The following ARHGAP24 variants were observed in gnomAD, a reference collection of about 807,000 sequenced individuals.
ARHGAP24 encodes the protein Rho GTPase activating protein 24, also known as rho GTPase-activating protein 24.
In ARHGAP24, 50 loss-of-function variants were observed where a neutral mutation model predicts 76.4. That is an observed-to-expected ratio of 0.65 (90% CI 0.52 to 0.83). The LOEUF is 0.83. ARHGAP24 is among the 40% of genes least tolerant of loss of function. ARHGAP24 has a pLI of 0.00. For synonymous variants in ARHGAP24, 345 were observed against 323.3 expected (o/e 1.07, Z -0.72); for missense variants, 930 against 914.2 (o/e 1.02, Z -0.22).
At position 85,527,822 on chromosome 4, in the gene ARHGAP24, A is replaced by G. The variant is rs566400598; in HGVS notation, c.-20-42700A>G. On this transcript the variant is annotated intron_variant, in intron 1 of 9. Coordinates refer to ENST00000395184, the MANE Select transcript of ARHGAP24 (RefSeq NM_001025616.3). ...ACTCTTGAAATTTCACCTCATGTGC[A>G]GAATCCTCTCATTTGATCCAAGAAG... Among the ~76,000 whole-genome samples, 5 of 152,264 alleles carry G rather than the reference A, an allele frequency of 3.3e-5. No individual in the cohort carries two copies. The East Asian group carries it at 9.6e-4, about 29-fold the overall frequency.
chr4:85,503,510 G>C (rs190270981), intron 1 of ARHGAP24, among the ~76,000 whole-genome samples: 38 of 152,128 alleles, frequency 2.5e-4, no homozygotes, highest in Admixed American at 2.5e-3. Flanking sequence ...GCATAGAGGC[G>C]TTTATAGTAT....
At chr4:85,926,786 A>C (rs114147364) in intron 4 of ARHGAP24, among the ~76,000 whole-genome samples, 2,267 of 152,222 alleles carry the variant, frequency 0.015, 61 homozygotes, top group African/African-American at 0.051. Context: ...TTAAGTCTTT[A>C]AGACCCAAGG....
chr4:85,751,456 T>G lies in ARHGAP24; in HGVS notation c.268+29484T>G, dbSNP rs137970222. 6.5e-3 allele frequency among the ~76,000 whole-genome samples: 996 copies of G among 152,284 alleles called. 13 individuals carry two copies. Among genetic ancestry groups the G allele is most frequent in the Admixed American group, 0.023 (358 of 15,296 alleles). ...ATATATTAGGATGGCCATAAGAAAT[T>G]CTGGGGTTTATAGGCCAAAATCAGT... On this transcript the variant is annotated intron_variant, in intron 3 of 9. Transcript: ENST00000395184.
rs571187233 is a variant in ARHGAP24, at chr4:85,618,329, G to T, written c.180+47608G>T. ...TTACATTAGTTCTCTCTTTTTAAAG[G>T]CTGAGTAATATTGCATTGTATATAT... On this transcript the variant is annotated intron_variant, in intron 2 of 9. Transcript: ENST00000395184. 7.9e-5 allele frequency among the ~76,000 whole-genome samples: 12 copies of T among 152,158 alleles called. No individual in the cohort carries two copies. In the South Asian group the frequency reaches 8.3e-4, roughly 11 times the overall value.
At chr4:85,853,490 C>T (rs35852536) in intron 3 of ARHGAP24, among the ~76,000 whole-genome samples, 12,925 of 152,222 alleles carry the variant, frequency 0.085, 662 homozygotes, top group Middle Eastern at 0.13. Flanking sequence ...TACCCACTGT[C>T]CAACCAGTCC....
intron 3 of ARHGAP24, among the ~76,000 whole-genome samples, chr4:85,883,916 C>T (rs576915277): frequency 1.8e-4 from 27 of 152,184 alleles, no homozygotes; most frequent in African/African-American, 6.5e-4. Flanking sequence ...CACACTGGTC[C>T]TCAATTTCTT....
intron 3 of ARHGAP24, among the ~76,000 whole-genome samples, chr4:85,867,861 A>AT (rs1732280690): frequency 1.4e-5 from 2 of 146,360 alleles, no homozygotes; most frequent in Admixed American, 1.4e-4. Flanking sequence ...ATTTATATAT[A>AT]ACATATATAT....
chr4:85,583,759 A>AC (rs61548964), intron 2 of ARHGAP24, among the ~76,000 whole-genome samples: 3 of 149,938 alleles, frequency 2.0e-5, no homozygotes, highest in African/African-American at 4.9e-5. Flanking sequence ...AAAAAAAAAA[A>AC]CCCCATCAAA....
At chr4:85,986,320 T>A (rs2148864164) in intron 8 of ARHGAP24, among the ~76,000 whole-genome samples, 1 of 152,214 alleles carries the variant, frequency 6.6e-6, no homozygotes, top group African/African-American at 2.4e-5. Context: ...TACTAACAAA[T>A]AATATTGCAT....
chr4:85,907,604 CAT>C (rs1210122551), intron 3 of ARHGAP24, among the ~76,000 whole-genome samples: 1 of 135,684 alleles, frequency 7.4e-6, no homozygotes, highest in Non-Finnish European at 1.6e-5. Context: ...TGCTTGTCTG[CAT>C]ATGTGTGTGT....
At chr4:85,807,784 C>T (rs1045125989) in intron 3 of ARHGAP24, among the ~76,000 whole-genome samples, 11 of 152,172 alleles carry the variant, frequency 7.2e-5, no homozygotes, top group Admixed American at 2.0e-4. Context: ...TTCTCCTCCA[C>T]ATCCTGTAAC....
chr4:85,754,177 G>GT (rs1726384015), intron 3 of ARHGAP24, among the ~76,000 whole-genome samples: 1 of 152,126 alleles, frequency 6.6e-6, no homozygotes, highest in Non-Finnish European at 1.5e-5. Context: ...GAAAACAAGT[G>GT]GTATTTGTCT....
intron 2 of ARHGAP24, among the ~76,000 whole-genome samples, chr4:85,601,325 G>A (rs112224610): frequency 0.011 from 1,715 of 152,278 alleles, 37 homozygotes; most frequent in African/African-American, 0.039. Flanking sequence ...GAAAATAACT[G>A]TGGTATTTTG....
chr4:85,683,169 TTGA>T (rs1723290152), intron 2 of ARHGAP24, among the ~76,000 whole-genome samples: 1 of 119,044 alleles, frequency 8.4e-6, no homozygotes, highest in South Asian at 3.4e-4. Flanking sequence ...TTAGTAAATA[TTGA>T]TAATAACAAA....
intron 3 of ARHGAP24, among the ~76,000 whole-genome samples, chr4:85,881,749 T>C (rs1440049170): frequency 6.6e-6 from 1 of 152,224 alleles, no homozygotes; most frequent in African/African-American, 2.4e-5. Context: ...GTGACACAGA[T>C]AATACACATA....
intron 3 of ARHGAP24, among the ~76,000 whole-genome samples, chr4:85,854,656 A>C (rs1731453555): frequency 6.6e-6 from 1 of 152,136 alleles, no homozygotes; most frequent in Non-Finnish European, 1.5e-5. Flanking sequence ...CTCCTAACTT[A>C]GTGACCATGT....
intron 3 of ARHGAP24, among the ~76,000 whole-genome samples, chr4:85,834,901 G>A (rs1730180523): frequency 1.3e-5 from 2 of 152,114 alleles, no homozygotes; most frequent in Admixed American, 6.5e-5. Context: ...CAAGGGAGTG[G>A]TTCCCAAGTA....
At chr4:85,734,024 C>T (rs1372015626) in intron 3 of ARHGAP24, among the ~76,000 whole-genome samples, 3 of 152,162 alleles carry the variant, frequency 2.0e-5, no homozygotes, top group African/African-American at 7.2e-5. Flanking sequence ...ACTGTTTGAG[C>T]TCCACCCTAC....
At chr4:85,882,458 G>A (rs939756839) in intron 3 of ARHGAP24, among the ~76,000 whole-genome samples, 1 of 152,082 alleles carries the variant, frequency 6.6e-6, no homozygotes, top group Non-Finnish European at 1.5e-5. Flanking sequence ...GATATCATTA[G>A]AAATTAGGAA....
Sources: gnomAD v4.1 joint callset for allele counts (sites outside exome capture counted in the v4.1 genomes callset) on GRCh38, gnomAD v4.1.1 for gene constraint, MANE v1.5 for transcripts, NCBI Gene and HGNC (gene_info 2026-07-23, HGNC 2026-07-21) for gene names.